CRPPA: variants seen among roughly 807,000 people sequenced by gnomAD.
The protein encoded by CRPPA is D-ribitol-5-phosphate cytidylyltransferase.
CRPPA carries 43 observed loss-of-function variants against 52.0 expected under a neutral mutation model. That is an observed-to-expected ratio of 0.83 (90% CI 0.65 to 1.07). CRPPA has a LOEUF of 1.07. Ranked by LOEUF, CRPPA falls within the 50% of genes least tolerant of loss-of-function variation. The pLI is 0.00. For synonymous variants in CRPPA, 250 were observed against 203.5 expected, an observed-to-expected ratio of 1.23 and a Z score of -1.94; for missense variants, 629 against 551.7, an observed-to-expected ratio of 1.14 and a Z score of -1.40.
At chr7:16,140,429 T>G (rs1782847766) in intron 9 of CRPPA, among the ~76,000 whole-genome samples, 2 of 151,890 alleles carry the variant, frequency 1.3e-5, no homozygotes, top group South Asian at 2.1e-4. Context: ...CCTCCCAGAG[T>G]GCTAGGATTA....
At chr7:16,206,313 T>C (rs868159601) in intron 9 of CRPPA, among the ~76,000 whole-genome samples, 2 of 152,156 alleles carry the variant, frequency 1.3e-5, no homozygotes, top group Non-Finnish European at 2.9e-5. Context: ...TTTAATACAT[T>C]TTATATTGTG....
chr7:16,381,358 G>A (rs1269698088), intron 2 of CRPPA, among the ~76,000 whole-genome samples: 4 of 151,398 alleles, frequency 2.6e-5, no homozygotes, highest in Non-Finnish European at 5.9e-5. Flanking sequence ...CTGAGAGACA[G>A]TTTGTTATAA....
chr7:16,233,222 C>T (rs1782855269), intron 8 of CRPPA, among the ~76,000 whole-genome samples: 1 of 151,862 alleles, frequency 6.6e-6, no homozygotes, highest in African/African-American at 2.4e-5. Flanking sequence ...GCCTAATAAA[C>T]AGGTAATAAG....
At chr7:16,381,499 T>C (rs1787087915) in intron 2 of CRPPA, among the ~76,000 whole-genome samples, 1 of 152,140 alleles carries the variant, frequency 6.6e-6, no homozygotes, top group African/African-American at 2.4e-5. Flanking sequence ...TGTAGATGTC[T>C]ATTAGGTCCG....
At chr7:16,206,721 A>G (rs1158910711) in intron 9 of CRPPA, among the ~76,000 whole-genome samples, 2 of 152,150 alleles carry the variant, frequency 1.3e-5, no homozygotes. Flanking sequence ...GATTACAAAC[A>G]TACATATAAA....
intron 9 of CRPPA, among the ~76,000 whole-genome samples, chr7:16,161,260 C>A (rs1362561340): frequency 5.9e-5 from 9 of 152,150 alleles, no homozygotes; most frequent in Non-Finnish European, 1.2e-4. Context: ...TTGTCTTCTG[C>A]CGGTTTTCAA....
chr7:16,203,537 G>T (rs966081866), intron 9 of CRPPA, among the ~76,000 whole-genome samples: 1 of 152,128 alleles, frequency 6.6e-6, no homozygotes, highest in African/African-American at 2.4e-5. Context: ...AGTGGGAGCA[G>T]TATATTTTAT....
At chr7:16,383,999 TCACTGTCCTGCGCC>T (rs1787187930) in intron 2 of CRPPA, among the ~76,000 whole-genome samples, 1 of 152,190 alleles carries the variant, frequency 6.6e-6, no homozygotes, top group Admixed American at 6.5e-5. Flanking sequence ...TGCGCTGCAC[TCACTGTCCTGCGCC>T]CACTGTCTGG....
rs1583431883 is a variant in CRPPA, at chr7:16,211,187, A to G, written c.1251+4879T>C. 1.3e-5 allele frequency among the ~76,000 whole-genome samples: 2 copies of G among 152,352 alleles called. 1 individual carries two copies. The highest frequency in any genetic ancestry group is 4.1e-4 in the South Asian group (2 of 4,832). On this transcript the variant is annotated intron_variant, in intron 9 of 9. Coordinates refer to ENST00000407010, the MANE Select transcript of CRPPA (RefSeq NM_001101426.4). ...ACATATATCTAAGTAAAACAAGCTTACCGCCATTCTCTAATGAGTCTGCCA... is the reference window on the plus strand; with the variant it reads ...ACATATATCTAAGTAAAACAAGCTTGCCGCCATTCTCTAATGAGTCTGCCA...
chr7:16,307,464 C>T (rs1214964797), intron 4 of CRPPA, among the ~76,000 whole-genome samples: 1 of 151,782 alleles, frequency 6.6e-6, no homozygotes, highest in Non-Finnish European at 1.5e-5. Flanking sequence ...GGCAGATAGC[C>T]TGAGGTCAGG....
intron 3 of CRPPA, among the ~76,000 whole-genome samples, chr7:16,309,455 C>T (rs547268871): frequency 4.6e-5 from 7 of 152,270 alleles, no homozygotes; most frequent in East Asian, 1.9e-4. Context: ...GTGGATAAAA[C>T]ACTTAATTCT....
At chr7:16,300,622 A>G (rs1035542102) in intron 5 of CRPPA, among the ~76,000 whole-genome samples, 1 of 152,184 alleles carries the variant, frequency 6.6e-6, no homozygotes, top group African/African-American at 2.4e-5. Flanking sequence ...AGGGATGGGT[A>G]CTTCCAGCAG....
Position 16,094,570 on chromosome 7 carries a change from AGTGTGTGTGTGTGTAT to A in CRPPA, c.1252-2787_1252-2772del, listed in dbSNP as rs1356258959. ...GATCATTTTATTATTCACATACATA[AGTGTGTGTGTGTGTAT>A]GTGTGTGTGTATATACACATTATTT... On this transcript the variant is annotated intron_variant, in intron 9 of 9. Coordinates refer to ENST00000407010, the MANE Select transcript of CRPPA (RefSeq NM_001101426.4). Among the ~76,000 whole-genome samples the A allele has an allele frequency of 3.3e-5, 5 of 150,608 alleles. No individual in the cohort carries two copies. In the South Asian group the frequency reaches 6.3e-4, roughly 19 times the overall value.
rs377664123 is a variant in CRPPA at position 16,107,434 on chromosome 7, AC to A, written c.1252-15636del. 7.9e-5 allele frequency among the ~76,000 whole-genome samples: 12 copies of A among 152,274 alleles called. No homozygotes were observed. The East Asian group carries it at 1.7e-3, about 22-fold the overall frequency. On this transcript the variant is annotated intron_variant, in intron 9 of 9. Transcript: ENST00000407010. Reference sequence around the variant, plus strand: ...ACTATAAGCAGATTTCTCAGCAGAAACCTTGTATGCCAGGAGAAAATGGGAT... The same window carrying A: ...ACTATAAGCAGATTTCTCAGCAGAAACTTGTATGCCAGGAGAAAATGGGAT...
At chr7:16,351,358 T>G (rs1250121152) in intron 3 of CRPPA, among the ~76,000 whole-genome samples, 1 of 152,088 alleles carries the variant, frequency 6.6e-6, no homozygotes, top group East Asian at 1.9e-4. Flanking sequence ...GGGCAAAGAC[T>G]TCATGACTAA....
At chr7:16,191,240 G>A (rs765283) in intron 9 of CRPPA, among the ~76,000 whole-genome samples, 2 of 151,870 alleles carry the variant, frequency 1.3e-5, no homozygotes, top group African/African-American at 4.8e-5. Context: ...GAGGTTTGCC[G>A]AGTATGTTCT....
chr7:16,345,027 T>C (rs1426474205), intron 3 of CRPPA, among the ~76,000 whole-genome samples: 1 of 152,046 alleles, frequency 6.6e-6, no homozygotes, highest in African/African-American at 2.4e-5. Flanking sequence ...GCAGGATAAA[T>C]ACAATCAGGT....
intron 6 of CRPPA, chr7:16,262,105 T>TCTC (rs1289861410): frequency 6.6e-6 from 1 of 152,190 alleles, no homozygotes; most frequent in Non-Finnish European, 1.5e-5. Context: ...CAGTAAGTTT[T>TCTC]ATTACGAATT....
intron 5 of CRPPA, among the ~76,000 whole-genome samples, chr7:16,282,168 A>T (rs1441880840): frequency 6.6e-6 from 1 of 152,004 alleles, no homozygotes; most frequent in African/African-American, 2.4e-5. Flanking sequence ...TTTATATTTA[A>T]GGCTCTAAAT....
Sources: gnomAD v4.1 joint callset for allele counts (sites outside exome capture counted in the v4.1 genomes callset) on GRCh38, gnomAD v4.1.1 for gene constraint, MANE v1.5 for transcripts, NCBI Gene and HGNC (gene_info 2026-07-23, HGNC 2026-07-21) for gene names.